RPGRIP1L: variants seen among roughly 807,000 people sequenced by gnomAD.
The protein encoded by RPGRIP1L is protein fantom.
In RPGRIP1L, 131 loss-of-function variants were observed where a neutral mutation model predicts 160.4. That is an observed-to-expected ratio of 0.82 (90% CI 0.71 to 0.94). The LOEUF is 0.94. Ranked by LOEUF, RPGRIP1L falls within the 40% of genes least tolerant of loss-of-function variation. RPGRIP1L has a pLI of 0.00. For synonymous variants in RPGRIP1L, 510 were observed against 515.8 expected (o/e 0.99, Z 0.15); for missense variants, 1,522 against 1,535.8 (o/e 0.99, Z 0.15).
intron 8 of RPGRIP1L, among the ~76,000 whole-genome samples, chr16:53,672,010 T>C (rs140065842): frequency 2.4e-3 from 369 of 152,262 alleles, no homozygotes; most frequent in African/African-American, 8.2e-3. Flanking sequence ...ATGGTTCAAA[T>C]TGTGTTGTTA....
intron 24 of RPGRIP1L, among the ~76,000 whole-genome samples, chr16:53,615,943 C>G (rs1233288339): frequency 6.6e-6 from 1 of 152,114 alleles, no homozygotes; most frequent in African/African-American, 2.4e-5. Flanking sequence ...GTTTTAACAC[C>G]TCTTAATAAA....
chr16:53,690,046 T>G (rs1003774516), intron 4 of RPGRIP1L, among the ~76,000 whole-genome samples: 2 of 152,228 alleles, frequency 1.3e-5, no homozygotes, highest in African/African-American at 4.8e-5. Flanking sequence ...ACATTGACAA[T>G]ATTATGATTT....
At chr16:53,636,577 A>G (rs1965849223) in intron 21 of RPGRIP1L, 65 bp from the exon 22 acceptor site, 3 of 1,116,516 alleles carry the variant, frequency 2.7e-6, no homozygotes, top group African/African-American at 3.1e-5. Flanking sequence ...ACCCTGTAAA[A>G]TAAAGAGAAA....
intron 6 of RPGRIP1L, among the ~76,000 whole-genome samples, chr16:53,685,618 A>C (rs893339578): frequency 1.3e-5 from 2 of 151,254 alleles, no homozygotes; most frequent in Admixed American, 6.6e-5. Flanking sequence ...AAAACCAAAC[A>C]CTGCGTGTTC....
intron 17 of RPGRIP1L, among the ~76,000 whole-genome samples, chr16:53,641,690 G>A (rs1966233677): frequency 6.6e-6 from 1 of 152,036 alleles, no homozygotes; most frequent in Non-Finnish European, 1.5e-5. Flanking sequence ...TCTATGACAG[G>A]CTCATCTCTC....
chr16:53,605,457 A>C (rs1963619181), intron 26 of RPGRIP1L, 24 bp downstream of exon 26: 1 of 1,613,750 alleles, frequency 6.2e-7, no homozygotes, highest in Non-Finnish European at 8.5e-7. Flanking sequence ...GGTTGCACAA[A>C]CTGAGCAACA....
At chr16:53,696,339 AGTCTCT>A in intron 2 of RPGRIP1L, 44 bp from the exon 3 acceptor site, 1 of 1,598,660 alleles carries the variant, frequency 6.3e-7, no homozygotes, top group African/African-American at 1.3e-5. Flanking sequence ...TACTTAAAAT[AGTCTCT>A]AGAAACTCTT....
chr16:53,698,991 T>C (rs1303350891), intron 2 of RPGRIP1L, among the ~76,000 whole-genome samples: 1 of 152,116 alleles, frequency 6.6e-6, no homozygotes, highest in Non-Finnish European at 1.5e-5. Flanking sequence ...ATGGTTGCCG[T>C]GTCTGTGTGG....
intron 25 of RPGRIP1L, among the ~76,000 whole-genome samples, chr16:53,608,659 C>A (rs1024635909): frequency 6.6e-6 from 1 of 152,138 alleles, no homozygotes; most frequent in Non-Finnish European, 1.5e-5. Flanking sequence ...GAAGATACAT[C>A]AAACTTCTCT....
chr16:53,697,099 C>T (rs1165611147), intron 2 of RPGRIP1L, among the ~76,000 whole-genome samples: 1 of 151,908 alleles, frequency 6.6e-6, no homozygotes, highest in East Asian at 1.9e-4. Context: ...GAGGCTAAGT[C>T]TGGACAATCG....
chr16:53,651,277 T>C (rs1308459587), intron 15 of RPGRIP1L, among the ~76,000 whole-genome samples: 2 of 152,204 alleles, frequency 1.3e-5, no homozygotes, highest in African/African-American at 4.8e-5. Context: ...GTTAATAAAA[T>C]ATGTACTGAA....
At chr16:53,641,173 A>C in intron 18 of RPGRIP1L, 57 bp from the exon 19 acceptor site, 1 of 1,544,494 alleles carries the variant, frequency 6.5e-7, no homozygotes, top group East Asian at 2.3e-5. Flanking sequence ...GATTTCAGAT[A>C]AGACTTTAGC....
chr16:53,670,152 C>T (rs1968591150), intron 9 of RPGRIP1L, among the ~76,000 whole-genome samples: 1 of 152,110 alleles, frequency 6.6e-6, no homozygotes, highest in South Asian at 2.1e-4. Flanking sequence ...ATAGATGATA[C>T]AAACTACTGA....
intron 10 of RPGRIP1L, among the ~76,000 whole-genome samples, chr16:53,663,634 A>G (rs1459524344): frequency 6.6e-6 from 1 of 152,078 alleles, no homozygotes; most frequent in Non-Finnish European, 1.5e-5. Flanking sequence ...TTCTGACATG[A>G]AAACTTAAAA....
At chr16:53,698,831 C>T (rs1025497185) in intron 2 of RPGRIP1L, among the ~76,000 whole-genome samples, 7 of 148,208 alleles carry the variant, frequency 4.7e-5, no homozygotes, top group Non-Finnish European at 4.5e-5. Flanking sequence ...TCTGCCCGGC[C>T]GCCCCTACTG....
chr16:53,661,491 A>C (rs1246619560), intron 10 of RPGRIP1L, among the ~76,000 whole-genome samples: 1 of 152,206 alleles, frequency 6.6e-6, no homozygotes, highest in Non-Finnish European at 1.5e-5. Flanking sequence ...ACATCTAGAT[A>C]GAATGGTTAG....
At chr16:53,630,641 T>C (rs1486942290) in intron 22 of RPGRIP1L, among the ~76,000 whole-genome samples, 1 of 152,204 alleles carries the variant, frequency 6.6e-6, no homozygotes, top group Non-Finnish European at 1.5e-5. Flanking sequence ...TAGTAAGAGT[T>C]AGTTAAATTG....
At chr16:53,623,572 T>C (rs1348797028) in intron 22 of RPGRIP1L, among the ~76,000 whole-genome samples, 1 of 152,242 alleles carries the variant, frequency 6.6e-6, no homozygotes, top group African/African-American at 2.4e-5. Context: ...TTTTTGCATC[T>C]GTTATTTATT....
At chr16:53,616,375 A>C (rs1257816548) in intron 24 of RPGRIP1L, among the ~76,000 whole-genome samples, 1 of 152,206 alleles carries the variant, frequency 6.6e-6, no homozygotes, top group Non-Finnish European at 1.5e-5. Context: ...TTTAAAATAA[A>C]CATTTTCATT....
Sources: allele counts gnomAD v4.1 joint callset (sites outside exome capture counted in the v4.1 genomes callset), GRCh38; gene constraint gnomAD v4.1.1; transcripts MANE v1.5; gene names NCBI Gene and HGNC (gene_info 2026-07-23, HGNC 2026-07-21).